The following CTIF variants were observed in gnomAD, a reference collection of about 807,000 sequenced individuals.
CTIF encodes CBP80/20-dependent translation initiation factor.
CTIF carries 21 observed loss-of-function variants against 66.0 expected under a neutral mutation model. The observed-to-expected ratio is 0.32, with a 90% confidence interval of 0.23 to 0.46. The LOEUF (loss-of-function observed/expected upper bound fraction) is 0.46, where lower values mean the gene tolerates loss of function less well. Among genes scored for constraint, CTIF ranks in the 20% least tolerant of loss-of-function variants. The probability of loss-of-function intolerance (pLI) is 1.00; values close to 1 mark genes in which losing one functional copy is unlikely to be tolerated. For synonymous variants in CTIF, 345 were observed against 326.4 expected (o/e 1.06, Z -0.62); for missense variants, 739 against 812.7 (o/e 0.91, Z 1.10).
intron 1 of CTIF, among the ~76,000 whole-genome samples, chr18:48,610,366 C>T (rs973467054): frequency 1.3e-5 from 2 of 151,714 alleles, no homozygotes; most frequent in African/African-American, 2.4e-5. Context: ...AGGACCTGCA[C>T]GTCACAGAGC....
chr18:48,654,016 A>C (rs560191048), intron 3 of CTIF, among the ~76,000 whole-genome samples: 1 of 152,376 alleles, frequency 6.6e-6, no homozygotes, highest in Admixed American at 6.5e-5. Context: ...CTAAAACCAT[A>C]AAAACCCTAG....
chr18:48,752,611 A>G (rs929755569), intron 7 of CTIF, among the ~76,000 whole-genome samples: 1 of 152,194 alleles, frequency 6.6e-6, no homozygotes, highest in East Asian at 1.9e-4. Context: ...AATCCTTACA[A>G]CTGCCCCTCA....
intron 1 of CTIF, among the ~76,000 whole-genome samples, chr18:48,586,704 A>G (rs1309715385): frequency 6.6e-6 from 1 of 152,048 alleles, no homozygotes; most frequent in South Asian, 2.1e-4. Context: ...TGCTCTGCTC[A>G]TTTTGCTATT....
At chr18:48,718,251 C>T (rs2092300192) in intron 7 of CTIF, among the ~76,000 whole-genome samples, 2 of 152,186 alleles carry the variant, frequency 1.3e-5, no homozygotes, top group Non-Finnish European at 2.9e-5. Context: ...GAAAATTAGA[C>T]TGTGTATACC....
Position 48,670,607 on chromosome 18 carries a change from G to A in CTIF, c.432-62G>A, listed in dbSNP as rs777856459. The A allele has an allele frequency of 7.6e-6, 11 of 1,443,164 alleles. No individual in the cohort carries two copies. In the South Asian group the frequency reaches 9.2e-5, roughly 12 times the overall value. The allele number at this position is 1,443,164 out of a possible 1,614,324, so 89.4% of individuals were successfully genotyped here. ...GACTGTCCCTCCTCTCCTGCTGGCC[G>A]GATGGGACAGGAGGCATGAATGAGC... On this transcript the variant is annotated intron_variant, in intron 5 of 11. Transcript: ENST00000256413.
chr18:48,823,833 C>A (rs2068530387), intron 10 of CTIF, among the ~76,000 whole-genome samples: 1 of 152,108 alleles, frequency 6.6e-6, no homozygotes, highest in African/African-American at 2.4e-5. Context: ...TCTTACCACT[C>A]CTATTCAACA....
intron 1 of CTIF, among the ~76,000 whole-genome samples, chr18:48,563,371 T>G (rs934082657): frequency 6.6e-6 from 1 of 152,250 alleles, no homozygotes; most frequent in Non-Finnish European, 1.5e-5. Flanking sequence ...GGAGACAGTT[T>G]CAACTATGGT....
intron 10 of CTIF, among the ~76,000 whole-genome samples, chr18:48,849,609 CAG>C (rs1239042758): frequency 9.0e-6 from 1 of 111,008 alleles, no homozygotes; most frequent in Non-Finnish European, 1.7e-5. Context: ...TTTTTTGAGA[CAG>C]AGTTTCACTC....
intron 2 of CTIF, among the ~76,000 whole-genome samples, chr18:48,633,815 G>A (rs962120016): frequency 1.3e-5 from 2 of 151,934 alleles, no homozygotes; most frequent in Non-Finnish European, 2.9e-5. Context: ...TTTTTGTTTT[G>A]GAATTATTTT....
chr18:48,787,157 C>T lies in CTIF; in HGVS notation c.1371+25468C>T, dbSNP rs572480439. ...CTGGGAGCAGCTGTGTGGGGGGCAC[C>T]GGCCCAGAAGGATGACCGACATCCA... On this transcript the variant is annotated intron_variant, in intron 9 of 11. Transcript: ENST00000256413. Among the ~76,000 whole-genome samples the T allele has an allele frequency of 1.5e-4, 23 of 152,116 alleles. No homozygotes were observed. In the South Asian group the frequency reaches 3.3e-3, roughly 22 times the overall value.
chr18:48,857,318 G>A (rs571772117), intron 10 of CTIF, among the ~76,000 whole-genome samples: 1 of 152,230 alleles, frequency 6.6e-6, no homozygotes, highest in Non-Finnish European at 1.5e-5. Flanking sequence ...TTGAATCACG[G>A]TGTTCAGACC....
At chr18:48,573,906 T>G (rs2143694176) in intron 1 of CTIF, among the ~76,000 whole-genome samples, 2 of 152,364 alleles carry the variant, frequency 1.3e-5, no homozygotes, top group South Asian at 4.1e-4. Flanking sequence ...GGTGCTGTCC[T>G]GGGCCCTCTG....
intron 1 of CTIF, 166 bp downstream of exon 1, chr18:48,539,478 G>C (rs770339101): frequency 6.6e-6 from 1 of 152,594 alleles, no homozygotes; most frequent in African/African-American, 2.4e-5. Flanking sequence ...CTGGGCCAGC[G>C]GGGTGTCCGC....
At chr18:48,716,619 G>T (rs1369128792) in intron 7 of CTIF, among the ~76,000 whole-genome samples, 1 of 152,012 alleles carries the variant, frequency 6.6e-6, no homozygotes. Flanking sequence ...TGCTCACAGC[G>T]GCCACCACCC....
intron 7 of CTIF, among the ~76,000 whole-genome samples, chr18:48,746,618 G>A (rs560816170): frequency 3.9e-5 from 6 of 151,966 alleles, no homozygotes; most frequent in Admixed American, 6.6e-5. Context: ...AGGTCAGAGC[G>A]TGGCAAGATG....
At chr18:48,710,305 C>G (rs1439724937) in intron 6 of CTIF, among the ~76,000 whole-genome samples, 2 of 152,220 alleles carry the variant, frequency 1.3e-5, no homozygotes, top group African/African-American at 4.8e-5. Flanking sequence ...CTCCAGCAGC[C>G]TGGACCCTGT....
At chr18:48,817,499 G>A (rs940547218) in intron 10 of CTIF, 123 bp downstream of exon 10, 4 of 1,206,098 alleles carry the variant, frequency 3.3e-6, no homozygotes, top group Non-Finnish European at 3.4e-6. Context: ...ATCCGGGCCA[G>A]GCACGGTGGC....
In CTIF at chr18:48,842,372, C is replaced by T. The variant is rs1461214789; in HGVS notation, c.1528-15216C>T. ...CAGGAGGCCTGGTGAGTATTATTCC[C>T]GTTTCATAGAACGCAGGCCTGTGGG... On this transcript the variant is annotated intron_variant, in intron 10 of 11. Transcript: ENST00000256413. 2.6e-5 allele frequency among the ~76,000 whole-genome samples: 4 copies of T among 152,208 alleles called. No individual in the cohort carries two copies. The East Asian group carries it at 5.8e-4, about 22-fold the overall frequency.
At chr18:48,737,430 G>T (rs2092512754) in intron 7 of CTIF, among the ~76,000 whole-genome samples, 1 of 152,224 alleles carries the variant, frequency 6.6e-6, no homozygotes, top group Non-Finnish European at 1.5e-5. Flanking sequence ...CTTGCAAGCT[G>T]CTGCACATGG....
Sources: allele counts gnomAD v4.1 joint callset (sites outside exome capture counted in the v4.1 genomes callset), GRCh38; gene constraint gnomAD v4.1.1; transcripts MANE v1.5; gene names NCBI Gene and HGNC (gene_info 2026-07-23, HGNC 2026-07-21).